CLIP1: variants seen among roughly 807,000 people sequenced by gnomAD.
CLIP1 encodes the protein CAP-Gly domain containing linker protein 1, also known as CAP-Gly domain-containing linker protein 1.
A neutral mutation model predicts 161.6 loss-of-function variants in CLIP1; 66 were observed. The observed-to-expected ratio is 0.41, with a 90% CI of 0.33 to 0.50. The LOEUF is 0.50. CLIP1 is among the 20% of genes least tolerant of loss of function. The probability of loss-of-function intolerance (pLI) is 0.27; values close to 1 mark genes in which losing one functional copy is unlikely to be tolerated. For synonymous variants in CLIP1, 598 were observed against 626.2 expected (o/e 0.96, Z 0.67); for missense variants, 1,376 against 1,702.0 (o/e 0.81, Z 3.37).
chr12:122,298,175 T>TTG (rs1359990302), intron 20 of CLIP1, among the ~76,000 whole-genome samples: 1 of 152,192 alleles, frequency 6.6e-6, no homozygotes, highest in African/African-American at 2.4e-5. Context: ...AAACTCTCTC[T>TTG]TGGCCTGTTT....
intron 10 of CLIP1, among the ~76,000 whole-genome samples, chr12:122,346,918 T>C (rs754420827): frequency 7.2e-5 from 11 of 152,144 alleles, no homozygotes; most frequent in Non-Finnish European, 1.6e-4. Context: ...ACACAGCCCA[T>C]GTTTCCATTT....
chr12:122,357,409 C>A (rs947025380), intron 5 of CLIP1, among the ~76,000 whole-genome samples: 2 of 151,150 alleles, frequency 1.3e-5, no homozygotes, highest in African/African-American at 4.9e-5. Flanking sequence ...CGGCAGCCGC[C>A]CTGTCTGAGA....
At chr12:122,316,489 C>T (rs369114485) in intron 19 of CLIP1, among the ~76,000 whole-genome samples, 3 of 152,068 alleles carry the variant, frequency 2.0e-5, no homozygotes, top group Admixed American at 6.6e-5. Flanking sequence ...ATTACAGGCA[C>T]GTGCCACCAC....
intron 24 of CLIP1, chr12:122,275,071 C>T (rs1486804444): frequency 1.3e-5 from 2 of 151,792 alleles, no homozygotes; most frequent in African/African-American, 4.8e-5. Context: ...AGGATGGACT[C>T]AAACTCCTGA....
rs1041618014 is a variant in CLIP1, at chr12:122,367,961, C to T, written c.658-3854G>A. Among the ~76,000 whole-genome samples the T allele has an allele frequency of 3.3e-5, 5 of 152,118 alleles. 1 individual carries two copies. Among genetic ancestry groups the T allele is most frequent in the Admixed American group, 2.6e-4 (4 of 15,260 alleles). On this transcript the variant is annotated intron_variant, in intron 3 of 25. Coordinates refer to ENST00000620786, the MANE Select transcript of CLIP1 (RefSeq NM_001247997.2). ...ACACTGCACTCCAGCCTGGACAAGA[C>T]AGTGAGACCCTGTCTCAAAAACAAA...
At chr12:122,318,393 C>T (rs188179985) in intron 18 of CLIP1, among the ~76,000 whole-genome samples, 16 of 152,162 alleles carry the variant, frequency 1.1e-4, no homozygotes, top group Non-Finnish European at 2.2e-4. Context: ...ATTAGCCAGG[C>T]GTGGTAGTGG....
intron 5 of CLIP1, among the ~76,000 whole-genome samples, chr12:122,359,838 C>A (rs562095903): frequency 6.6e-6 from 1 of 152,198 alleles, no homozygotes; most frequent in Admixed American, 6.5e-5. Flanking sequence ...TCCTGGTCTG[C>A]GGTTCCCCAC....
intron 1 of CLIP1, among the ~76,000 whole-genome samples, chr12:122,391,415 A>G (rs1043475940): frequency 2.6e-5 from 4 of 151,186 alleles, no homozygotes; most frequent in South Asian, 2.1e-4. Flanking sequence ...GTGACACCCC[A>G]TCTCTACTAA....
At chr12:122,301,817 G>A (rs184618235) in intron 20 of CLIP1, among the ~76,000 whole-genome samples, 220 of 152,296 alleles carry the variant, frequency 1.4e-3, no homozygotes, top group African/African-American at 4.8e-3. Context: ...TTTGATTCAT[G>A]TCTTGCTTGG....
chr12:122,354,597 C>A (rs116559357), intron 6 of CLIP1, 41 bp from the exon 7 acceptor site: 197 of 1,506,506 alleles, frequency 1.3e-4, no homozygotes, highest in Non-Finnish European at 1.6e-4. Context: ...CTATTTCTGA[C>A]CCAGATACAG....
intron 24 of CLIP1, chr12:122,275,353 G>A (rs1321949751): frequency 1.3e-5 from 2 of 151,660 alleles, no homozygotes; most frequent in Non-Finnish European, 2.9e-5. Context: ...GCTCACGCCT[G>A]TAATCCCAAC....
intron 17 of CLIP1, among the ~76,000 whole-genome samples, chr12:122,326,330 C>G (rs112518371): frequency 6.0e-5 from 9 of 149,064 alleles, no homozygotes; most frequent in Non-Finnish European, 1.5e-5. Context: ...ACGCCTGCAA[C>G]CCCAGCGCCT....
chr12:122,379,602 CA>C (rs1404402862), intron 2 of CLIP1, among the ~76,000 whole-genome samples: 1 of 151,604 alleles, frequency 6.6e-6, no homozygotes, highest in East Asian at 1.9e-4. Flanking sequence ...AAAAACCCTA[CA>C]AAAATTCATT....
intron 1 of CLIP1, among the ~76,000 whole-genome samples, chr12:122,398,277 A>T (rs946544655): frequency 6.6e-6 from 1 of 151,322 alleles, no homozygotes; most frequent in Non-Finnish European, 1.5e-5. Context: ...AAAAAAAAAA[A>T]AATTAGCTGG....
intron 1 of CLIP1, among the ~76,000 whole-genome samples, chr12:122,414,749 G>A (rs1283963226): frequency 6.6e-6 from 1 of 152,134 alleles, no homozygotes; most frequent in Non-Finnish European, 1.5e-5. Flanking sequence ...ACAGGCATGA[G>A]CCACCACGCC....
rs117374161 is a variant in CLIP1 at position 122,308,097 on chromosome 12, G to A, written c.3594+1665C>T. On this transcript the variant is annotated intron_variant, in intron 20 of 25. Coordinates refer to ENST00000620786, the MANE Select transcript of CLIP1 (RefSeq NM_001247997.2). ...ACTGCAAAAGAGAACAGAGCTGCTA[G>A]GATGGAGAGGAGCCCAAGTCAGGCA... Among the ~76,000 whole-genome samples, 758 of 152,292 alleles carry A rather than the reference G, an allele frequency of 5.0e-3. 7 individuals carry two copies. Among genetic ancestry groups the A allele is most frequent in the Non-Finnish European group, 6.5e-3 (445 of 68,016 alleles).
intron 5 of CLIP1, among the ~76,000 whole-genome samples, chr12:122,358,130 T>C (rs1176345044): frequency 1.3e-5 from 2 of 152,128 alleles, no homozygotes; most frequent in East Asian, 3.8e-4. Context: ...TGTTGATCTG[T>C]GACCTTACCC....
At chr12:122,289,017 C>T (rs1955982629) in intron 20 of CLIP1, among the ~76,000 whole-genome samples, 1 of 151,062 alleles carries the variant, frequency 6.6e-6, no homozygotes, top group African/African-American at 2.4e-5. Flanking sequence ...GGGTTTTCAC[C>T]GTCTTAGCCA....
upstream of CLIP1, chr12:122,422,677 G>A (rs940226749): frequency 4.3e-4 from 61 of 143,356 alleles, no homozygotes; most frequent in African/African-American, 1.5e-3. Context: ...GCTGCCAGGA[G>A]AAGACGCCGC....
Sources: allele counts gnomAD v4.1 joint callset (sites outside exome capture counted in the v4.1 genomes callset), GRCh38; gene constraint gnomAD v4.1.1; transcripts MANE v1.5; gene names NCBI Gene and HGNC (gene_info 2026-07-23, HGNC 2026-07-21).